Variants in CAPN5 observed in about 807,000 individuals in gnomAD.
CAPN5 encodes calpain-5.
In CAPN5, 54 loss-of-function variants were observed where a neutral mutation model predicts 73.0. The ratio of observed to expected loss-of-function variants is 0.74; its 90% confidence interval spans 0.59 to 0.93. The LOEUF (loss-of-function observed/expected upper bound fraction) is 0.93, where lower values mean the gene tolerates loss of function less well. Ranked by LOEUF, CAPN5 falls within the 40% of genes least tolerant of loss-of-function variation. The pLI, the probability that CAPN5 is intolerant of heterozygous loss-of-function variation, is 0.00. For missense variants in CAPN5, 785 were observed against 882.9 expected (o/e 0.89, Z 1.41); for synonymous variants, 335 against 356.9 (o/e 0.94, Z 0.69).
At chr11:77,077,714 C>T (rs1203048785) in intron 1 of CAPN5, among the ~76,000 whole-genome samples, 2 of 151,992 alleles carry the variant, frequency 1.3e-5, no homozygotes, top group Non-Finnish European at 2.9e-5. Context: ...GGGGTTTCGC[C>T]ATGTTGAGCA....
At chr11:77,071,709 T>C in intron 1 of CAPN5, 1 of 434,096 alleles carries the variant, frequency 2.3e-6, no homozygotes, top group South Asian at 1.6e-5. Context: ...TTGCCCAGCC[T>C]GACATCTTGG....
At chr11:77,114,000 C>CTT (rs1191478199) in intron 4 of CAPN5, among the ~76,000 whole-genome samples, 2 of 144,526 alleles carry the variant, frequency 1.4e-5, no homozygotes, top group African/African-American at 2.5e-5. Context: ...AAAAGAGTTG[C>CTT]TTTTTTTTTT....
At position 77,123,535 on chromosome 11, in the gene CAPN5, G is replaced by A. The variant is rs77843249; in HGVS notation, c.1741-153G>A. On this transcript the variant is annotated intron_variant, in intron 12 of 12. Transcript: ENST00000648180. ...CTCTGGAAGGGGCACCACCTTGCCC[G>A]TAGTTCATGGGGAGGCAGACAGCCC... 9.0e-3 allele frequency among the ~76,000 whole-genome samples: 1,366 copies of A among 152,242 alleles called. 14 individuals are homozygous for A. Among genetic ancestry groups the A allele is most frequent in the African/African-American group, 0.032 (1,310 of 41,534 alleles).
At chr11:77,113,400 C>T (rs892888892) in intron 4 of CAPN5, among the ~76,000 whole-genome samples, 7 of 152,188 alleles carry the variant, frequency 4.6e-5, no homozygotes, top group African/African-American at 9.7e-5. Context: ...GAGTGACTCG[C>T]GCAGGCCGTT....
intron 3 of CAPN5, among the ~76,000 whole-genome samples, chr11:77,097,056 A>G (rs1950217366): frequency 6.6e-6 from 1 of 152,128 alleles, no homozygotes; most frequent in South Asian, 2.1e-4. Flanking sequence ...CCCCGTCTCT[A>G]CTAAAAATAC....
chr11:77,078,830 C>T (rs1198904487), intron 1 of CAPN5, among the ~76,000 whole-genome samples: 24 of 151,866 alleles, frequency 1.6e-4, no homozygotes, highest in Admixed American at 1.6e-3. Flanking sequence ...TTTCTTTTTT[C>T]CATGGTAACT....
intron 2 of CAPN5, among the ~76,000 whole-genome samples, chr11:77,086,842 G>T (rs1184918517): frequency 1.3e-5 from 2 of 152,252 alleles, no homozygotes; most frequent in Non-Finnish European, 2.9e-5. Context: ...TTGCTGCGGT[G>T]AGAGGAGGAG....
chr11:77,083,676 T>A (rs1365464187), intron 1 of CAPN5, among the ~76,000 whole-genome samples: 1 of 152,212 alleles, frequency 6.6e-6, no homozygotes, highest in Non-Finnish European at 1.5e-5. Context: ...CTCTTCCCAC[T>A]GGCATGCTTG....
intron 1 of CAPN5, among the ~76,000 whole-genome samples, chr11:77,083,594 C>T (rs1387357675): frequency 6.6e-6 from 1 of 152,246 alleles, no homozygotes; most frequent in Non-Finnish European, 1.5e-5. Context: ...AGGCAGTACA[C>T]ATGCACCTCT....
intron 3 of CAPN5, chr11:77,102,906 A>G: frequency 1.2e-6 from 2 of 1,612,716 alleles, no homozygotes; most frequent in Non-Finnish European, 1.7e-6. Context: ...GGGCCTGACC[A>G]GGCAGATGCG....
Position 77,122,574 on chromosome 11 carries a change from AG to A in CAPN5, c.1606del. Reference sequence around the variant, plus strand: ...ACCCCATCTCCCACTCCCTCTCCCTAGGGGCTAACTCTTATGTGATCATCAA... The same window carrying A: ...ACCCCATCTCCCACTCCCTCTCCCTAGGGCTAACTCTTATGTGATCATCAA... On this transcript the variant is annotated splice_acceptor_variant, in intron 11 of 12. Coordinates refer to ENST00000648180, the MANE Select transcript of CAPN5 (RefSeq NM_004055.5). LOFTEE classifies it high-confidence loss of function. 1 of 1,555,740 alleles carries A rather than the reference AG, an allele frequency of 6.4e-7. No individual in the cohort carries two copies. The highest frequency in any genetic ancestry group is 8.7e-7 in the Non-Finnish European group (1 of 1,150,086).
At chr11:77,120,673 G>T in intron 9 of CAPN5, 40 bp from the exon 10 acceptor site, 1 of 1,468,738 alleles carries the variant, frequency 6.8e-7, no homozygotes, top group Non-Finnish European at 9.4e-7. Context: ...GTGTTGTAGG[G>T]TGTGTCTCCG....
chr11:77,121,136 A>G lies in CAPN5; in HGVS notation c.1487+227A>G, dbSNP rs910056628. Among the ~76,000 whole-genome samples, 8 of 152,348 alleles carry G rather than the reference A, an allele frequency of 5.3e-5. No homozygotes were observed. In the East Asian group the frequency reaches 1.5e-3, roughly 29 times the overall value. On this transcript the variant is annotated intron_variant, in intron 10 of 12. Coordinates refer to ENST00000648180, the MANE Select transcript of CAPN5 (RefSeq NM_004055.5). ...ATGTGCACTGCACTCTACAGTTGAC[A>G]AAGAAGCTTTCACTCATCTTGATCT...
At chr11:77,092,955 A>G (rs2135434394) in intron 2 of CAPN5, among the ~76,000 whole-genome samples, 1 of 152,326 alleles carries the variant, frequency 6.6e-6, no homozygotes, top group East Asian at 1.9e-4. Flanking sequence ...CAGCCTGGGC[A>G]AAAGAGCGAG....
At chr11:77,119,956 G>A (rs1432481644) in intron 9 of CAPN5, 2 of 152,284 alleles carry the variant, frequency 1.3e-5, no homozygotes, top group East Asian at 1.9e-4. Flanking sequence ...GACAGGTGCT[G>A]TGACCTCTGC....
In CAPN5 at chr11:77,124,037, C is replaced by T. The variant is rs781792942; in HGVS notation, c.*167C>T. On this transcript the variant is annotated 3_prime_UTR_variant, in exon 13 of 13. Transcript: ENST00000648180. ...TGCCCCTCTCTCAGCCTCAGTGTCC[C>T]GAGGGCCCCGAAGCATTCCATTCTC... The T allele has an allele frequency of 2.0e-5, 13 of 644,404 alleles. No individual in the cohort carries two copies. Among genetic ancestry groups the T allele is most frequent in the Middle Eastern group, 4.2e-4 (1 of 2,366 alleles). The allele number at this position is 644,404 out of a possible 1,614,324, so 39.9% of individuals were successfully genotyped here.
At chr11:77,083,426 G>T (rs1950047899) in intron 1 of CAPN5, among the ~76,000 whole-genome samples, 1 of 152,242 alleles carries the variant, frequency 6.6e-6, no homozygotes, top group Non-Finnish European at 1.5e-5. Context: ...GAGAGCGGCA[G>T]GGTCATACAG....
intron 7 of CAPN5, 26 bp from the exon 8 acceptor site, chr11:77,118,131 C>T: frequency 1.3e-6 from 2 of 1,592,346 alleles, no homozygotes; most frequent in Non-Finnish European, 8.6e-7. Flanking sequence ...GGGGAGGTAC[C>T]CTGCTCAGCC....
At chr11:77,084,760 C>A in intron 1 of CAPN5, 92 bp from the exon 2 acceptor site, 2 of 1,154,746 alleles carry the variant, frequency 1.7e-6, no homozygotes, top group Non-Finnish European at 2.5e-6. Flanking sequence ...GCCTTCCGTG[C>A]CTGTGCCATG....
Sources: allele counts gnomAD v4.1 joint callset (sites outside exome capture counted in the v4.1 genomes callset), GRCh38; gene constraint gnomAD v4.1.1; transcripts MANE v1.5; gene names NCBI Gene and HGNC (gene_info 2026-07-23, HGNC 2026-07-21).